GFAP: variants seen among roughly 807,000 people sequenced by gnomAD.
GFAP encodes intermediate filament protein.
A neutral mutation model predicts 49.3 loss-of-function variants in GFAP; 38 were observed. The ratio of observed to expected loss-of-function variants is 0.77; its 90% confidence interval spans 0.60 to 1.01. The LOEUF (loss-of-function observed/expected upper bound fraction) is 1.01. GFAP is among the 50% of genes least tolerant of loss of function. The pLI, the probability that GFAP is intolerant of heterozygous loss-of-function variation, is 0.00. For synonymous variants in GFAP, 222 were observed against 236.4 expected (o/e 0.94, Z 0.56); for missense variants, 463 against 579.1 (o/e 0.80, Z 2.06).
Position 44,904,523 on chromosome 17 carries a change from C to G in GFAP, c.*2824G>C. On this transcript the variant is annotated 3_prime_UTR_variant, in exon 9 of 9. Coordinates refer to ENST00000588735, the MANE Select transcript of GFAP (RefSeq NM_002055.5). Reference sequence around the variant, plus strand: ...GCGGACCAAGGCCAGGGACCACACGCCTGAGGTGCTGGTTCGGAGCTGCTT... The same window carrying G: ...GCGGACCAAGGCCAGGGACCACACGGCTGAGGTGCTGGTTCGGAGCTGCTT... 6.4e-7 allele frequency: 1 copy of G among 1,550,434 alleles called. No individual in the cohort carries two copies. The highest frequency in any genetic ancestry group is 1.2e-5 in the South Asian group (1 of 84,054).
intron 1 of GFAP, chr17:44,914,757 G>A (rs956469489): frequency 3.4e-5 from 18 of 528,724 alleles, no homozygotes; most frequent in East Asian, 2.3e-4. Flanking sequence ...CAGGGGCCCC[G>A]CTGCTCCTGC....
Position 44,911,225 on chromosome 17 carries a change from T to C in GFAP, c.1127+11A>G. On this transcript the variant is annotated intron_variant, in intron 6 of 8. Transcript: ENST00000588735. Reference sequence around the variant, plus strand: ...AGGGAGACTTCCCCAGGGGCTGTGATGAGGGCTCACCGGTTCTCCTCGCCC... The same window carrying C: ...AGGGAGACTTCCCCAGGGGCTGTGACGAGGGCTCACCGGTTCTCCTCGCCC... 6.2e-7 allele frequency: 1 copy of C among 1,611,668 alleles called. No homozygotes were observed. The highest frequency in any genetic ancestry group is 8.5e-7 in the Non-Finnish European group (1 of 1,178,120).
intron 6 of GFAP, 86 bp downstream of exon 6, chr17:44,911,150 A>T: frequency 2.4e-6 from 3 of 1,238,736 alleles, no homozygotes; most frequent in Non-Finnish European, 3.6e-6. Context: ...ACAAGGCTGA[A>T]AAAGACTCAG....
At chr17:44,907,442 C>A in intron 8 of GFAP, 54 bp from the exon 9 acceptor site, 1 of 1,246,924 alleles carries the variant, frequency 8.0e-7, no homozygotes. Flanking sequence ...CACACAGACC[C>A]CAGGTCCACC....
chr17:44,907,424 T>C, intron 8 of GFAP, 36 bp from the exon 9 acceptor site: 1 of 1,496,858 alleles, frequency 6.7e-7, no homozygotes, highest in South Asian at 1.1e-5. Flanking sequence ...GTGCAACAGT[T>C]AGGAGTTCAC....
intron 7 of GFAP, chr17:44,909,585 G>A (rs937085037): frequency 5.9e-6 from 1 of 170,816 alleles, no homozygotes; most frequent in African/African-American, 2.4e-5. Context: ...ATCATTTCAG[G>A]GCCAATGCAA....
At chr17:44,910,380 G>T in intron 7 of GFAP, 2 of 1,608,382 alleles carry the variant, frequency 1.2e-6, no homozygotes, top group Non-Finnish European at 1.7e-6. Context: ...GTCGAATGGG[G>T]TGCAGGGAGG....
rs906699489 is a variant in GFAP, at chr17:44,903,545, G to C, written c.*3802C>G. 17 of 1,351,130 alleles carry C rather than the reference G, an allele frequency of 1.3e-5. No homozygotes were observed. The highest frequency in any genetic ancestry group is 1.6e-5 in the Non-Finnish European group (17 of 1,058,122). 83.7% of individuals were successfully genotyped at this position (1,351,130 alleles called of 1,614,324 possible). Reference sequence around the variant, plus strand: ...CCGGTTTCCTTTGACCCATTCTTGGGTGAGCGCCAGTGTTCTAGAAAGGGG... The same window carrying C: ...CCGGTTTCCTTTGACCCATTCTTGGCTGAGCGCCAGTGTTCTAGAAAGGGG... On this transcript the variant is annotated 3_prime_UTR_variant, in exon 9 of 9. Coordinates refer to ENST00000588735, the MANE Select transcript of GFAP (RefSeq NM_002055.5).
intron 2 of GFAP, 45 bp from the exon 3 acceptor site, chr17:44,913,868 C>T: frequency 1.3e-6 from 2 of 1,502,108 alleles, no homozygotes; most frequent in Non-Finnish European, 1.9e-6. Flanking sequence ...ACTGGGGCCC[C>T]AGGCTCCTTC....
chr17:44,903,859 G>T lies in GFAP; in HGVS notation c.*3488C>A. The T allele has an allele frequency of 6.5e-7, 1 of 1,537,136 alleles. No homozygotes were observed. Among genetic ancestry groups the T allele is most frequent in the South Asian group, 1.2e-5 (1 of 83,562 alleles). On this transcript the variant is annotated 3_prime_UTR_variant, in exon 9 of 9. Coordinates refer to ENST00000588735, the MANE Select transcript of GFAP (RefSeq NM_002055.5). Reference sequence around the variant, plus strand: ...ACCTGGCCCTCACCACTGTGCTCCTGTGGGCATGGGGGCTCCAGGCCTTTG... The same window carrying T: ...ACCTGGCCCTCACCACTGTGCTCCTTTGGGCATGGGGGCTCCAGGCCTTTG...
rs975237648 is a variant in GFAP, at chr17:44,903,182, T to C, written c.*4165A>G. ...CATAAAAGGGAAAAAGCAAAATCTT[T>C]ATGGTAAACAAACACTGATCTCCAC... On this transcript the variant is annotated 3_prime_UTR_variant, in exon 9 of 9. Coordinates refer to ENST00000588735, the MANE Select transcript of GFAP (RefSeq NM_002055.5). 7 of 1,266,412 alleles carry C rather than the reference T, an allele frequency of 5.5e-6. No individual in the cohort carries two copies. The highest frequency in any genetic ancestry group is 1.5e-5 in the African/African-American group (1 of 66,034). 78.4% of individuals were successfully genotyped at this position (1,266,412 alleles called of 1,614,324 possible). A position where few individuals can be genotyped will look rare whatever the true frequency, so the allele number is the denominator to read the frequency against.
intron 4 of GFAP, chr17:44,912,511 G>C (rs2051797899): frequency 6.5e-6 from 1 of 153,684 alleles, no homozygotes; most frequent in African/African-American, 2.4e-5. Flanking sequence ...AGACACCAGT[G>C]GCTTCTGCCA....
chr17:44,914,609 C>T (rs2051863508), intron 1 of GFAP: 1 of 236,506 alleles, frequency 4.2e-6, no homozygotes. Flanking sequence ...CTCTTTCCCT[C>T]ACTTTCTTCA....
Position 44,904,212 on chromosome 17 carries a change from G to A in GFAP, c.*3135C>T, listed in dbSNP as rs529160132. On this transcript the variant is annotated 3_prime_UTR_variant, in exon 9 of 9. Transcript: ENST00000588735. Reference sequence around the variant, plus strand: ...TCAGGCCTGTACTTCTGCGGCACCCGCAAGGGGGACTACTTTTACGCCTAC... The same window carrying A: ...TCAGGCCTGTACTTCTGCGGCACCCACAAGGGGGACTACTTTTACGCCTAC... 5.0e-5 allele frequency: 78 copies of A among 1,550,530 alleles called. No individual in the cohort carries two copies. The African/African-American group carries it at 9.0e-4, about 18-fold the overall frequency.
In GFAP at chr17:44,915,493, C is replaced by G. The variant is rs2051894041; in HGVS notation, c.-7G>C. ...TGATGCGTCTCCTCTCCATCCTGCT[C>G]TGGCTCTGCTCGCTCCTGGGATGCG... On this transcript the variant is annotated 5_prime_UTR_variant, in exon 1 of 9. Transcript: ENST00000588735. This position sits in a 1 kb window ranked among gnomAD's most constrained non-coding sequence, Gnocchi z 4.1. 4 of 1,561,062 alleles carry G rather than the reference C, an allele frequency of 2.6e-6. No homozygotes were observed. The highest frequency in any genetic ancestry group is 2.7e-5 in the African/African-American group (2 of 73,716).
rs780481913 is a variant in GFAP, at chr17:44,915,455, C to G, written c.32G>C (p.Arg11Pro). 2 of 1,602,554 alleles carry G rather than the reference C, an allele frequency of 1.2e-6. No homozygotes were observed. The highest frequency in any genetic ancestry group is 1.7e-6 in the Non-Finnish European group (2 of 1,175,172). The change falls in exon 1 of 9, where the codon CGC (arginine) becomes CCC (proline). Residue 11 changes from arginine (R) to proline (P), a missense_variant. Transcript: ENST00000588735. This position sits in a 1 kb window ranked among gnomAD's most constrained non-coding sequence, Gnocchi z 4.1. ...CTCCCCTGAGGAGACGTAGGAGCGG[C>G]GAGCAGCGGAGGTGATGCGTCTCCT... MERRRITSAA[R>P]RSYVSSGEMM...
Position 44,911,389 on chromosome 17 carries a change from T to A in GFAP, c.974A>T (p.Gln325Leu). ...ERHVREAASY[Q>L]EALARLEEEG... is the part of the protein sequence containing the mutation. ...TTCCTCCAGCCGCGCCAGCGCCTCCTGATAACTGGCCGCCTCCCGCACGTG... is the reference window on the plus strand; with the variant it reads ...TTCCTCCAGCCGCGCCAGCGCCTCCAGATAACTGGCCGCCTCCCGCACGTG... The change falls in exon 6 of 9, where the codon CAG (glutamine) becomes CTG (leucine). Residue 325 changes from glutamine to leucine, a missense_variant. Around this residue, in one of 3 missense-constraint regions of GFAP, gnomAD observed 362 missense variants for 445.5 expected, o/e 0.81. Coordinates refer to ENST00000588735, the MANE Select transcript of GFAP (RefSeq NM_002055.5). 1 of 1,613,982 alleles carries A rather than the reference T, an allele frequency of 6.2e-7. No individual in the cohort carries two copies. The highest frequency in any genetic ancestry group is 8.5e-7 in the Non-Finnish European group (1 of 1,179,994).
At chr17:44,910,325 G>T in intron 7 of GFAP, 4 of 1,613,262 alleles carry the variant, frequency 2.5e-6, no homozygotes, top group Non-Finnish European at 3.4e-6. Flanking sequence ...GCTTGCTCAG[G>T]GATCTGCAGA....
intron 7 of GFAP, 125 bp downstream of exon 7, chr17:44,910,490 G>A (rs1035170321): frequency 6.4e-6 from 10 of 1,553,652 alleles, no homozygotes; most frequent in African/African-American, 4.1e-5. Context: ...GCAGTGTCAC[G>A]AAGGCCCCCA....
Sources: allele counts gnomAD v4.1 joint callset, GRCh38; gene constraint gnomAD v4.1.1; regional missense constraint gnomAD v4.1.1; non-coding constraint Gnocchi (gnomAD v3.1); transcripts MANE v1.5; gene names NCBI Gene and HGNC (gene_info 2026-07-23, HGNC 2026-07-21).